The following TDRD1 variants were observed in gnomAD, a reference collection of about 807,000 sequenced individuals.
The protein encoded by TDRD1 is tudor domain-containing protein 1.
A neutral mutation model predicts 140.6 loss-of-function variants in TDRD1; 37 were observed. The observed-to-expected ratio is 0.26, with a 90% CI of 0.20 to 0.35. The LOEUF (loss-of-function observed/expected upper bound fraction) is 0.35, where lower values mean the gene tolerates loss of function less well. Among genes scored for constraint, TDRD1 ranks in the 10% least tolerant of loss-of-function variants. TDRD1 has a pLI of 1.00. For synonymous variants in TDRD1, 506 were observed against 475.7 expected (o/e 1.06, Z -0.83); for missense variants, 1,243 against 1,393.0 (o/e 0.89, Z 1.71).
intron 11 of TDRD1, among the ~76,000 whole-genome samples, chr10:114,208,368 A>G (rs1335287153): frequency 1.3e-5 from 2 of 152,216 alleles, no homozygotes; most frequent in African/African-American, 4.8e-5. Flanking sequence ...AAGATGAGAT[A>G]TGGTATATTA....
intron 14 of TDRD1, 77 bp from the exon 15 acceptor site, chr10:114,213,269 A>C: frequency 7.1e-7 from 1 of 1,402,876 alleles, no homozygotes; most frequent in Non-Finnish European, 9.7e-7. Context: ...TCTTAAGTTT[A>C]CCTTGGGGGA....
At chr10:114,221,159 C>G (rs1411668031) in intron 19 of TDRD1, among the ~76,000 whole-genome samples, 198 bp from the exon 20 acceptor site, 1 of 152,094 alleles carries the variant, frequency 6.6e-6, no homozygotes, top group East Asian at 1.9e-4. Flanking sequence ...TCATTGTAGA[C>G]TGAACTTTTT....
intron 25 of TDRD1, among the ~76,000 whole-genome samples, chr10:114,229,411 G>A (rs1392084004): frequency 6.6e-6 from 1 of 152,102 alleles, no homozygotes; most frequent in East Asian, 1.9e-4. Context: ...TAAGCTAAAT[G>A]TAATTAATGC....
chr10:114,204,567 CTAA>C (rs1034265704), intron 9 of TDRD1, among the ~76,000 whole-genome samples, 152 bp from the exon 10 acceptor site: 3 of 152,026 alleles, frequency 2.0e-5, no homozygotes, highest in African/African-American at 4.8e-5. Flanking sequence ...CTAACAGAGG[CTAA>C]TAATAATTAT....
chr10:114,223,882 C>T (rs1237489807), intron 21 of TDRD1, among the ~76,000 whole-genome samples: 1 of 152,204 alleles, frequency 6.6e-6, no homozygotes, highest in African/African-American at 2.4e-5. Flanking sequence ...TCAGTCTGCT[C>T]CTGTACAGGC....
rs1372985431 is a variant in TDRD1 at position 114,198,234 on chromosome 10, G to T, written c.385-939G>T. Among the ~76,000 whole-genome samples, 3 of 152,174 alleles carry T rather than the reference G, an allele frequency of 2.0e-5. No individual in the cohort carries two copies. The East Asian group carries it at 5.8e-4, about 29-fold the overall frequency. On this transcript the variant is annotated intron_variant, in intron 3 of 25. Coordinates refer to ENST00000251864, the Ensembl canonical transcript of TDRD1. ...GAGAGAGGCCCGACTGAAGGAGAGG[G>T]TATTAGGAGGGAGTAGTTAGTAATG...
At chr10:114,222,743 T>C (rs1402690323) in intron 21 of TDRD1, 40 bp downstream of exon 21, 9 of 1,167,430 alleles carry the variant, frequency 7.7e-6, no homozygotes, top group Non-Finnish European at 1.2e-5. Context: ...GGAAGGTATT[T>C]AGTCTGTTTT....
At chr10:114,187,966 A>G (rs750754586) in exon 2 of TDRD1, 2 of 1,614,212 alleles carry the variant, frequency 1.2e-6, no homozygotes, top group South Asian at 2.2e-5. Context: ...GAAGTCCTGG[A>G]ACACTTCCTA....
intron 21 of TDRD1, among the ~76,000 whole-genome samples, chr10:114,224,948 C>T (rs964622680): frequency 6.6e-6 from 1 of 152,176 alleles, no homozygotes; most frequent in African/African-American, 2.4e-5. Flanking sequence ...TGAGAGTGGG[C>T]AGGGGCTTTT....
chr10:114,228,946 G>GGT (rs1334373060), intron 25 of TDRD1: 1 of 200,716 alleles, frequency 5.0e-6, no homozygotes, highest in African/African-American at 2.4e-5. Context: ...AGCTGGGCAT[G>GGT]GTGGTGCACA....
exon 22 of TDRD1, chr10:114,226,056 T>G: frequency 1.9e-6 from 3 of 1,613,260 alleles, no homozygotes; most frequent in Non-Finnish European, 1.7e-6. Context: ...CAGGTGATGA[T>G]TTTTGGTATC....
chr10:114,204,333 GTAAA>G (rs1420964796), intron 9 of TDRD1, 117 bp downstream of exon 9: 1 of 1,130,810 alleles, frequency 8.8e-7, no homozygotes, highest in African/African-American at 1.6e-5. Flanking sequence ...CCTGTACTAT[GTAAA>G]TAAACACTCA....
chr10:114,228,711 C>T, intron 25 of TDRD1: 3 of 985,280 alleles, frequency 3.0e-6, no homozygotes, highest in Non-Finnish European at 3.6e-6. Flanking sequence ...CCCCACCCCA[C>T]CCCCATATTT....
exon 19 of TDRD1, chr10:114,220,627 G>A: frequency 6.2e-7 from 1 of 1,613,242 alleles, no homozygotes; most frequent in East Asian, 2.2e-5. Flanking sequence ...CCAGATGTGT[G>A]TTGCTGGGAT....
intron 23 of TDRD1, 146 bp downstream of exon 23, chr10:114,227,445 T>C (rs1164039245): frequency 1.5e-6 from 1 of 672,014 alleles, no homozygotes; most frequent in African/African-American, 1.8e-5. Context: ...CTGATTCCTG[T>C]GGCTGCCTGG....
rs191498452 is a variant in TDRD1, at chr10:114,194,660, C to A, written c.384+3641C>A. On this transcript the variant is annotated intron_variant, in intron 3 of 25. Transcript: ENST00000251864. ...TCCTGTTTTTTAAATTAATTGATTT[C>A]TTCTTTTATCTTTATTATCTCTTCT... Among the ~76,000 whole-genome samples the A allele has an allele frequency of 3.9e-3, 584 of 148,052 alleles. 3 individuals are homozygous for A. The highest frequency in any genetic ancestry group is 0.014 in the African/African-American group (544 of 40,224).
At chr10:114,179,062 C>CT (rs1263835411), upstream of TDRD1, among the ~76,000 whole-genome samples, 2 of 152,206 alleles carry the variant, frequency 1.3e-5, no homozygotes, top group Non-Finnish European at 2.9e-5. Context: ...CCCAAGTGAC[C>CT]TTCGAGGAGA....
intron 16 of TDRD1, 60 bp from the exon 17 acceptor site, chr10:114,217,485 A>C (rs928302593): frequency 7.4e-6 from 7 of 940,244 alleles, no homozygotes; most frequent in Non-Finnish European, 1.1e-5. Flanking sequence ...TTTAAAGGAA[A>C]ATCTGTGTTG....
At position 114,181,529 on chromosome 10, in the gene TDRD1, AG is replaced by A. The variant is rs1018204108; in HGVS notation, c.-7+2114del. On this transcript the variant is annotated intron_variant, in intron 1 of 25. Transcript: ENST00000251864. ...GATACAGGATGAACCAAGTAGGAAT[AG>A]ATGCTAAGTCTTACTGGTGTTTTGT... Among the ~76,000 whole-genome samples, 10 of 152,348 alleles carry A rather than the reference AG, an allele frequency of 6.6e-5. No individual in the cohort carries two copies. The East Asian group carries it at 1.7e-3, about 26-fold the overall frequency.
Sources: gnomAD v4.1 joint callset for allele counts (sites outside exome capture counted in the v4.1 genomes callset) on GRCh38, gnomAD v4.1.1 for gene constraint, MANE v1.5 for transcripts, NCBI Gene and HGNC (gene_info 2026-07-23, HGNC 2026-07-21) for gene names.